Variants in CADPS observed in about 807,000 individuals in gnomAD.
CADPS encodes the protein calcium dependent secretion activator.
In CADPS, 57 loss-of-function variants were observed where a neutral mutation model predicts 167.3. That is an observed-to-expected ratio of 0.34 (90% CI 0.28 to 0.42). CADPS has a LOEUF of 0.42. Ranked by LOEUF, CADPS falls within the 20% of genes least tolerant of loss-of-function variation. The pLI, the probability that CADPS is intolerant of heterozygous loss-of-function variation, is 1.00. For synonymous variants in CADPS, 676 were observed against 635.3 expected (o/e 1.06, Z -0.96); for missense variants, 1,414 against 1,738.1 (o/e 0.81, Z 3.32).
At chr3:62,848,741 TA>T (rs1286355117) in intron 1 of CADPS, among the ~76,000 whole-genome samples, 1 of 102,276 alleles carries the variant, frequency 9.8e-6, no homozygotes, top group Non-Finnish European at 2.0e-5. Context: ...TCTTTTGGCT[TA>T]GGATTGACTT....
chr3:62,464,547 C>T lies in CADPS; in HGVS notation c.3636+820G>A, dbSNP rs183868365. On this transcript the variant is annotated intron_variant, in intron 26 of 29. Transcript: ENST00000383710. ...AGGAAGAGTGGGAGAACTGGGCCCC[C>T]GAAGCAGTCCATTTATAGCAACCAT... Among the ~76,000 whole-genome samples, 273 of 152,224 alleles carry T rather than the reference C, an allele frequency of 1.8e-3. 1 individual carries two copies. Among genetic ancestry groups the T allele is most frequent in the Middle Eastern group, 6.8e-3 (2 of 294 alleles).
intron 11 of CADPS, among the ~76,000 whole-genome samples, chr3:62,548,118 G>T (rs1301122807): frequency 6.6e-6 from 1 of 152,034 alleles, no homozygotes; most frequent in Non-Finnish European, 1.5e-5. Context: ...TTCTGATACA[G>T]GGGGTAACTT....
intron 3 of CADPS, among the ~76,000 whole-genome samples, chr3:62,720,546 C>T (rs2151964745): frequency 6.6e-6 from 1 of 152,128 alleles, no homozygotes; most frequent in Middle Eastern, 3.4e-3. Flanking sequence ...GTTATGTTGT[C>T]CAGTCTGGTC....
chr3:62,748,200 G>C (rs532408117), intron 3 of CADPS, among the ~76,000 whole-genome samples: 2 of 143,348 alleles, frequency 1.4e-5, no homozygotes, highest in Admixed American at 7.0e-5. Flanking sequence ...AAAAAAATTA[G>C]CCGGGCATGG....
At chr3:62,838,725 A>C (rs1026123471) in intron 1 of CADPS, among the ~76,000 whole-genome samples, 5 of 152,220 alleles carry the variant, frequency 3.3e-5, no homozygotes, top group African/African-American at 1.2e-4. Flanking sequence ...TTAGAAAAGT[A>C]CCTGAGATAT....
chr3:62,642,631 G>C (rs990428495), intron 6 of CADPS, among the ~76,000 whole-genome samples: 2 of 152,214 alleles, frequency 1.3e-5, no homozygotes, highest in Non-Finnish European at 2.9e-5. Context: ...AGGCAAGCCA[G>C]GTGCAGTGGC....
chr3:62,471,316 G>A (rs910236605), intron 24 of CADPS, among the ~76,000 whole-genome samples: 2 of 152,176 alleles, frequency 1.3e-5, no homozygotes, highest in Non-Finnish European at 2.9e-5. Context: ...TGTGATAAAA[G>A]TCAACTTGGT....
At chr3:62,483,610 T>C (rs1005798760) in intron 21 of CADPS, among the ~76,000 whole-genome samples, 3 of 152,188 alleles carry the variant, frequency 2.0e-5, no homozygotes, top group African/African-American at 4.8e-5. Flanking sequence ...AAGCCAATTA[T>C]ACATCTCTAC....
At chr3:62,481,940 C>T (rs1176482218) in intron 21 of CADPS, 71 bp from the exon 22 acceptor site, 2 of 1,431,946 alleles carry the variant, frequency 1.4e-6, no homozygotes, top group East Asian at 2.4e-5. Context: ...AAGCACACGA[C>T]AATTGTAAAT....
At chr3:62,851,182 T>C (rs1202392180) in intron 1 of CADPS, among the ~76,000 whole-genome samples, 3 of 140,690 alleles carry the variant, frequency 2.1e-5, no homozygotes, top group Admixed American at 7.4e-5. Context: ...GCACGTGAGA[T>C]GGGTTTCCTG....
chr3:62,653,857 T>C (rs1405172097), intron 4 of CADPS, among the ~76,000 whole-genome samples: 1 of 152,068 alleles, frequency 6.6e-6, no homozygotes, highest in Non-Finnish European at 1.5e-5. Context: ...ACCAGTTCCT[T>C]CTGGAACTTC....
At chr3:62,864,413 C>G (rs1169735231) in intron 1 of CADPS, among the ~76,000 whole-genome samples, 1 of 152,178 alleles carries the variant, frequency 6.6e-6, no homozygotes, top group Non-Finnish European at 1.5e-5. Flanking sequence ...CCAAGAATCA[C>G]CAACTGGGTA....
intron 26 of CADPS, among the ~76,000 whole-genome samples, chr3:62,450,067 C>A (rs919347288): frequency 2.6e-5 from 4 of 152,164 alleles, no homozygotes; most frequent in Non-Finnish European, 4.4e-5. Flanking sequence ...AGCACATGCT[C>A]CTCAGCCTGG....
At chr3:62,673,646 C>G (rs1448814782) in intron 3 of CADPS, among the ~76,000 whole-genome samples, 2 of 152,108 alleles carry the variant, frequency 1.3e-5, no homozygotes, top group African/African-American at 2.4e-5. Context: ...TTTTTCAAAA[C>G]TAGTAAAACA....
At chr3:62,748,040 G>T (rs2081858832) in intron 3 of CADPS, among the ~76,000 whole-genome samples, 1 of 151,892 alleles carries the variant, frequency 6.6e-6, no homozygotes, top group Non-Finnish European at 1.5e-5. Flanking sequence ...CATGAAGATG[G>T]CCGGGCGTGG....
intron 1 of CADPS, among the ~76,000 whole-genome samples, chr3:62,873,617 CTTT>C (rs3047307): frequency 4.5e-5 from 6 of 132,280 alleles, no homozygotes; most frequent in African/African-American, 1.2e-4. Context: ...AAATAGGCGC[CTTT>C]TTTTTTTTTT....
intron 13 of CADPS, among the ~76,000 whole-genome samples, chr3:62,530,433 G>A (rs577684990): frequency 2.0e-5 from 3 of 152,212 alleles, no homozygotes; most frequent in Admixed American, 6.5e-5. Context: ...ATATGAACAC[G>A]TTTTAAAAGT....
chr3:62,480,378 C>T (rs2061846465), intron 22 of CADPS, among the ~76,000 whole-genome samples: 1 of 152,162 alleles, frequency 6.6e-6, no homozygotes, highest in African/African-American at 2.4e-5. Context: ...ATATAGTCAT[C>T]TTAGCATGAA....
intron 13 of CADPS, among the ~76,000 whole-genome samples, chr3:62,525,047 A>G (rs985431367): frequency 2.0e-5 from 3 of 152,212 alleles, no homozygotes; most frequent in African/African-American, 7.2e-5. Flanking sequence ...GGAGTGTAAC[A>G]TCTGAAAATA....
Sources: allele counts gnomAD v4.1 joint callset (sites outside exome capture counted in the v4.1 genomes callset), GRCh38; gene constraint gnomAD v4.1.1; transcripts MANE v1.5; gene names NCBI Gene and HGNC (gene_info 2026-07-23, HGNC 2026-07-21).